The following PAN3 variants were observed in gnomAD, a reference collection of about 807,000 sequenced individuals.
PAN3 encodes poly(A) specific ribonuclease subunit PAN3, also known as PAN2-PAN3 deadenylation complex subunit PAN3.
Under a neutral mutation model 96.2 loss-of-function variants are expected in PAN3, and 19 were observed. The ratio of observed to expected loss-of-function variants is 0.20; its 90% confidence interval spans 0.14 to 0.29. The LOEUF is 0.29. PAN3 is among the 10% of genes least tolerant of loss of function. PAN3 has a pLI of 1.00. For missense variants in PAN3, 882 were observed against 1,108.1 expected, an observed-to-expected ratio of 0.80 and a Z score of 2.90; for synonymous variants, 433 against 406.6, an observed-to-expected ratio of 1.06 and a Z score of -0.78.
chr13:28,196,778 A>G (rs1878108501), intron 4 of PAN3, among the ~76,000 whole-genome samples: 1 of 152,210 alleles, frequency 6.6e-6, no homozygotes, highest in South Asian at 2.1e-4. Flanking sequence ...AACTTTATAA[A>G]AAAGAAAAAT....
At chr13:28,262,830 A>G (rs1454486357) in intron 9 of PAN3, among the ~76,000 whole-genome samples, 1 of 152,252 alleles carries the variant, frequency 6.6e-6, no homozygotes, top group Admixed American at 6.5e-5. Flanking sequence ...TGGTTTTGCA[A>G]TATCAGTATG....
chr13:28,238,790 AT>A (rs1301208603), intron 6 of PAN3, among the ~76,000 whole-genome samples: 3 of 151,910 alleles, frequency 2.0e-5, no homozygotes, highest in African/African-American at 7.2e-5. Flanking sequence ...TCCTTTTCTT[AT>A]TTTTTCCCCT....
intron 6 of PAN3, chr13:28,239,945 T>C (rs138877478): frequency 1.7e-3 from 299 of 176,476 alleles, no homozygotes; most frequent in Non-Finnish European, 1.5e-3. Flanking sequence ...AGTCTACTTA[T>C]GAATCCAAGT....
intron 5 of PAN3, chr13:28,215,208 C>T (rs1031449388): frequency 2.8e-6 from 2 of 713,200 alleles, no homozygotes; most frequent in East Asian, 2.6e-5. Context: ...GCTTGAGGCT[C>T]TGGACTGCAT....
chr13:28,284,150 T>C (rs1868662834), intron 17 of PAN3, among the ~76,000 whole-genome samples: 1 of 152,236 alleles, frequency 6.6e-6, no homozygotes, highest in Non-Finnish European at 1.5e-5. Flanking sequence ...CTCACCAAAA[T>C]ACTTTTTTCA....
intron 6 of PAN3, among the ~76,000 whole-genome samples, chr13:28,246,382 A>C (rs1392143502): frequency 6.6e-6 from 1 of 152,154 alleles, no homozygotes; most frequent in African/African-American, 2.4e-5. Flanking sequence ...TACAATGTGT[A>C]ATGATCAAAT....
In PAN3 at chr13:28,252,412, T is replaced by A. The variant is rs190776989; in HGVS notation, c.1001-3880T>A. Among the ~76,000 whole-genome samples, 663 of 152,192 alleles carry A rather than the reference T, an allele frequency of 4.4e-3. 9 individuals are homozygous for A. Among genetic ancestry groups the A allele is most frequent in the African/African-American group, 0.015 (630 of 41,524 alleles). On this transcript the variant is annotated intron_variant, in intron 6 of 18. Transcript: ENST00000380958. The stretch of plus-strand genomic sequence containing the variant: ...ATTAATTTTCTAATCATTAATGAAT[T>A]CTGTAATTATTTTCCAGGAGTTTTT...
chr13:28,260,350 C>G, intron 7 of PAN3, 97 bp from the exon 8 acceptor site: 1 of 862,138 alleles, frequency 1.2e-6, no homozygotes. Flanking sequence ...GCCGAGATTG[C>G]GCCACTGAAC....
chr13:28,163,092 G>A (rs2138038736), intron 1 of PAN3, among the ~76,000 whole-genome samples: 1 of 151,942 alleles, frequency 6.6e-6, no homozygotes. Flanking sequence ...CACCCAGGCT[G>A]TAGTGCAGTG....
chr13:28,189,709 T>C (rs1257735233), intron 4 of PAN3, among the ~76,000 whole-genome samples: 1 of 152,086 alleles, frequency 6.6e-6, no homozygotes, highest in Non-Finnish European at 1.5e-5. Flanking sequence ...ATTGAGAACT[T>C]TAGTACTCAA....
At chr13:28,283,020 A>G (rs1159539866) in intron 17 of PAN3, among the ~76,000 whole-genome samples, 1 of 151,898 alleles carries the variant, frequency 6.6e-6, no homozygotes, top group African/African-American at 2.4e-5. Context: ...CTGTGAATGC[A>G]TACTAAATTC....
Position 28,158,537 on chromosome 13 carries a change from C to T in PAN3, c.431-15735C>T, listed in dbSNP as rs542867235. On this transcript the variant is annotated intron_variant, in intron 1 of 18. Coordinates refer to ENST00000380958, the MANE Select transcript of PAN3 (RefSeq NM_175854.8). ...AAACTGGGCAGAGGACATGAACAGACGCTTTTCAGAAGAAGACATATACTC... is the reference window on the plus strand; with the variant it reads ...AAACTGGGCAGAGGACATGAACAGATGCTTTTCAGAAGAAGACATATACTC... 1.1e-4 allele frequency among the ~76,000 whole-genome samples: 16 copies of T among 152,294 alleles called. No individual in the cohort carries two copies. In the East Asian group the frequency reaches 2.7e-3, roughly 26 times the overall value.
At chr13:28,267,495 T>G in intron 12 of PAN3, 94 bp downstream of exon 12, 1 of 1,038,414 alleles carries the variant, frequency 9.6e-7, no homozygotes, top group Non-Finnish European at 1.4e-6. Flanking sequence ...AATTTTTCCC[T>G]GTAATCATTT....
At chr13:28,247,336 A>G (rs898837867) in intron 6 of PAN3, among the ~76,000 whole-genome samples, 6 of 151,946 alleles carry the variant, frequency 3.9e-5, no homozygotes, top group African/African-American at 1.5e-4. Flanking sequence ...CTAATCATCA[A>G]TTTCCCGATG....
intron 1 of PAN3, among the ~76,000 whole-genome samples, chr13:28,161,783 C>T (rs1872911462): frequency 6.6e-6 from 1 of 152,156 alleles, no homozygotes; most frequent in Non-Finnish European, 1.5e-5. Flanking sequence ...TTGCTGTTTT[C>T]TGACAGTTTG....
intron 1 of PAN3, among the ~76,000 whole-genome samples, chr13:28,161,485 C>A (rs2138030150): frequency 6.6e-6 from 1 of 152,218 alleles, no homozygotes; most frequent in Admixed American, 6.5e-5. Context: ...ATTAGGACTG[C>A]CCTAATGACC....
At chr13:28,226,563 A>T (rs1367568209) in intron 6 of PAN3, among the ~76,000 whole-genome samples, 1 of 152,206 alleles carries the variant, frequency 6.6e-6, no homozygotes, top group African/African-American at 2.4e-5. Flanking sequence ...GTGTTTAATA[A>T]ATGCTTACTC....
At chr13:28,222,210 T>G (rs1351609814) in intron 6 of PAN3, among the ~76,000 whole-genome samples, 2 of 152,196 alleles carry the variant, frequency 1.3e-5, no homozygotes, top group Non-Finnish European at 2.9e-5. Flanking sequence ...AGAAAATCCA[T>G]TAATGCTTAT....
chr13:28,290,537 C>G (rs577782869), intron 18 of PAN3, among the ~76,000 whole-genome samples: 1 of 151,892 alleles, frequency 6.6e-6, no homozygotes, highest in Non-Finnish European at 1.5e-5. Context: ...CAAAATTAGC[C>G]GGGCGTGGTG....
Sources: allele counts gnomAD v4.1 joint callset (sites outside exome capture counted in the v4.1 genomes callset), GRCh38; gene constraint gnomAD v4.1.1; transcripts MANE v1.5; gene names NCBI Gene and HGNC (gene_info 2026-07-23, HGNC 2026-07-21).